Variants in TXNDC11 observed in about 807,000 individuals in gnomAD.
The protein encoded by TXNDC11 is thioredoxin domain-containing protein 11.
A neutral mutation model predicts 78.0 loss-of-function variants in TXNDC11; 68 were observed. The observed-to-expected ratio is 0.87, with a 90% CI of 0.72 to 1.07. The LOEUF is 1.07. Ranked by LOEUF, TXNDC11 falls within the 50% of genes least tolerant of loss-of-function variation. TXNDC11 has a pLI of 0.00. For missense variants in TXNDC11, 1,389 were observed against 1,221.8 expected, an observed-to-expected ratio of 1.14 and a Z score of -2.04; for synonymous variants, 571 against 495.2, an observed-to-expected ratio of 1.15 and a Z score of -2.03.
intron 5 of TXNDC11, among the ~76,000 whole-genome samples, chr16:11,701,648 C>G (rs2051029887): frequency 6.6e-6 from 1 of 151,992 alleles, no homozygotes; most frequent in South Asian, 2.1e-4. Flanking sequence ...GTATACATGG[C>G]TAATAATTAC....
chr16:11,695,471 C>A (rs1330857553), intron 7 of TXNDC11, among the ~76,000 whole-genome samples: 3 of 152,136 alleles, frequency 2.0e-5, no homozygotes, highest in African/African-American at 4.8e-5. Flanking sequence ...AAAAGTAAAG[C>A]CACCTAACTC....
At chr16:11,717,783 T>C (rs1056817025) in intron 5 of TXNDC11, among the ~76,000 whole-genome samples, 2 of 151,162 alleles carry the variant, frequency 1.3e-5, no homozygotes, top group African/African-American at 2.4e-5. Flanking sequence ...ATTTCGCCAC[T>C]GCACTCCAGC....
At chr16:11,681,974 T>G (rs537256841) in intron 11 of TXNDC11, among the ~76,000 whole-genome samples, 2 of 152,360 alleles carry the variant, frequency 1.3e-5, no homozygotes, top group East Asian at 3.9e-4. Context: ...ATCTCACTCC[T>G]CTGAAGTCAT....
chr16:11,700,686 TAG>T (rs1052069015), intron 5 of TXNDC11, 122 bp from the exon 6 acceptor site: 1 of 576,106 alleles, frequency 1.7e-6, no homozygotes, highest in African/African-American at 1.9e-5. Context: ...TAACCTAGCC[TAG>T]AGAGGGAAGG....
rs768361466 is a variant in TXNDC11, at chr16:11,733,933, A to C, written c.569+49T>G. On this transcript the variant is annotated intron_variant, in intron 3 of 11. Coordinates refer to ENST00000283033, the MANE Select transcript of TXNDC11 (RefSeq NM_015914.7). ...AGAAAAAATGCAAAATTCATTTATA[A>C]ACTGGCAAACTAAACTGGAATGAGA... 12 of 1,372,700 alleles carry C rather than the reference A, an allele frequency of 8.7e-6. No individual in the cohort carries two copies. In the South Asian group the frequency reaches 1.3e-4, roughly 15 times the overall value. 85.0% of individuals were successfully genotyped at this position (1,372,700 alleles called of 1,614,324 possible).
At chr16:11,722,054 A>C (rs1231696850) in intron 4 of TXNDC11, among the ~76,000 whole-genome samples, 1 of 152,220 alleles carries the variant, frequency 6.6e-6, no homozygotes, top group Non-Finnish European at 1.5e-5. Context: ...AACTCCAGAC[A>C]AGCAATGGCA....
chr16:11,734,023 T>A lies in TXNDC11; in HGVS notation c.528A>T (p.Lys176Asn). ...ATATTACAGGAAAATAAAAGAAGTG[T>A]TTCTGTTTTCTGCATTTCCCCTGGT... The part of the protein sequence containing the change: ...WWNQGKCRKQ[K>N]HFFYFPVIYL... The change falls in exon 3 of 12, where the codon AAA becomes AAT. Residue 176 changes from lysine (K) to asparagine (N), a missense_variant. By Grantham distance (94) the Lys-to-Asn change is moderately conservative. Coordinates refer to ENST00000283033, the MANE Select transcript of TXNDC11 (RefSeq NM_015914.7). 7 of 1,606,296 alleles carry A rather than the reference T, an allele frequency of 4.4e-6. No individual in the cohort carries two copies. The highest frequency in any genetic ancestry group is 5.9e-6 in the Non-Finnish European group (7 of 1,178,452).
In TXNDC11 at chr16:11,742,709, C is replaced by G; in HGVS notation, c.22G>C (p.Gly8Arg). The G allele has an allele frequency of 6.8e-7, 1 of 1,481,134 alleles. No individual in the cohort carries two copies. The highest frequency in any genetic ancestry group is 2.4e-5 in the Admixed American group (1 of 41,294). 91.7% of individuals were successfully genotyped at this position (1,481,134 alleles called of 1,614,324 possible). The change falls in exon 1 of 12, where the codon GGC becomes CGC. Residue 8 changes from glycine (G) to arginine (R), a missense_variant. Gly to Arg is a moderately radical substitution (Grantham distance 125, BLOSUM62 -2). Coordinates refer to ENST00000283033, the MANE Select transcript of TXNDC11 (RefSeq NM_015914.7). ...TCCTCGCTGCTGCTGCTGCCGCCGC[C>G]GCGGCCTCCGCATTCCGACATTACA... MSECGGRGGGSSSSEDAE... is the reference protein window; with the variant it reads MSECGGRRGGSSSSEDAE...
At chr16:11,699,701 T>C (rs1484037818) in intron 6 of TXNDC11, among the ~76,000 whole-genome samples, 1 of 152,236 alleles carries the variant, frequency 6.6e-6, no homozygotes, top group East Asian at 1.9e-4. Flanking sequence ...GACTTAGACA[T>C]TGTGCCAAGG....
At chr16:11,740,543 C>G (rs939131017) in intron 1 of TXNDC11, among the ~76,000 whole-genome samples, 1 of 152,202 alleles carries the variant, frequency 6.6e-6, no homozygotes, top group African/African-American at 2.4e-5. Flanking sequence ...TTTAACAAAC[C>G]GATGTAAATA....
At chr16:11,688,498 G>C in intron 8 of TXNDC11, 53 bp from the exon 9 acceptor site, 1 of 1,435,914 alleles carries the variant, frequency 7.0e-7, no homozygotes, top group East Asian at 2.3e-5. Flanking sequence ...AAAGAGAATA[G>C]CTGGCCTACT....
chr16:11,704,599 G>T (rs1567317382), intron 5 of TXNDC11, among the ~76,000 whole-genome samples: 1 of 152,216 alleles, frequency 6.6e-6, no homozygotes, highest in East Asian at 1.9e-4. Context: ...GAAGTGCTGA[G>T]AAGTACCTAT....
At chr16:11,738,061 C>G (rs2052279382) in intron 1 of TXNDC11, among the ~76,000 whole-genome samples, 1 of 152,056 alleles carries the variant, frequency 6.6e-6, no homozygotes, top group African/African-American at 2.4e-5. Context: ...AAATGATAAA[C>G]TGGGGTATAT....
intron 8 of TXNDC11, chr16:11,688,656 A>C (rs560293630): frequency 2.8e-4 from 128 of 460,180 alleles, no homozygotes; most frequent in Non-Finnish European, 4.6e-4. Flanking sequence ...AATGTGGATA[A>C]CAAAACACTA....
At chr16:11,740,401 A>G (rs1009060930) in intron 1 of TXNDC11, among the ~76,000 whole-genome samples, 2 of 152,252 alleles carry the variant, frequency 1.3e-5, no homozygotes, top group African/African-American at 2.4e-5. Context: ...CCTTGCCTGA[A>G]GCAAGAAAGG....
rs373737784 is a variant in TXNDC11 at position 11,698,229 on chromosome 16, C to T, written c.1003G>A (p.Gly335Arg). The T allele has an allele frequency of 7.4e-6, 12 of 1,614,116 alleles. No homozygotes were observed. Among genetic ancestry groups the T allele is most frequent in the South Asian group, 4.4e-5 (4 of 91,094 alleles). The stretch of plus-strand genomic sequence containing the variant: ...TTATTCAGCAGGAGACTCTTGCCTC[C>T]GTGTGGCCGCAGCCACCGAAAGAGC... Reference protein sequence around the residue: ...ETLFRWLRPHGGKSLLLNNEL... With the variant: ...ETLFRWLRPHRGKSLLLNNEL... The change falls in exon 7 of 12, where the codon GGA becomes AGA. Residue 335 changes from glycine (G) to arginine (R), a missense_variant. By Grantham distance (125) the Gly-to-Arg change is moderately radical. Coordinates refer to ENST00000283033, the MANE Select transcript of TXNDC11 (RefSeq NM_015914.7).
intron 5 of TXNDC11, among the ~76,000 whole-genome samples, chr16:11,710,165 A>G (rs987903568): frequency 6.6e-6 from 1 of 151,420 alleles, no homozygotes; most frequent in African/African-American, 2.4e-5. Flanking sequence ...AAAATGATCA[A>G]TTGAAAAACT....
intron 7 of TXNDC11, among the ~76,000 whole-genome samples, chr16:11,696,477 G>A (rs563584869): frequency 2.0e-5 from 3 of 152,172 alleles, no homozygotes; most frequent in Non-Finnish European, 4.4e-5. Flanking sequence ...AGATGGTGTC[G>A]CATCTATCCT....
chr16:11,680,433 A>G (rs1040867420), intron 11 of TXNDC11, among the ~76,000 whole-genome samples: 2 of 152,204 alleles, frequency 1.3e-5, no homozygotes, highest in African/African-American at 2.4e-5. Context: ...CAGCCCAACC[A>G]AAGGACTATG....
Sources: gnomAD v4.1 joint callset for allele counts (sites outside exome capture counted in the v4.1 genomes callset) on GRCh38, gnomAD v4.1.1 for gene constraint, MANE v1.5 for transcripts, NCBI Gene and HGNC (gene_info 2026-07-23, HGNC 2026-07-21) for gene names.